The following DLEC1 variants were observed in gnomAD, a reference collection of about 807,000 sequenced individuals.
DLEC1 encodes the protein deleted in lung and esophageal cancer protein 1.
In DLEC1, 146 loss-of-function variants were observed where a neutral mutation model predicts 198.1. The ratio of observed to expected loss-of-function variants is 0.74; its 90% CI spans 0.64 to 0.85. The LOEUF is 0.85. Ranked by LOEUF, DLEC1 falls within the 40% of genes least tolerant of loss-of-function variation. The pLI is 0.00. For missense variants in DLEC1, 2,233 were observed against 2,220.0 expected, an observed-to-expected ratio of 1.01 and a Z score of -0.12; for synonymous variants, 897 against 866.8, an observed-to-expected ratio of 1.03 and a Z score of -0.61.
At position 38,081,589 on chromosome 3, in the gene DLEC1, C is replaced by T. The variant is rs1365883560; in HGVS notation, c.1174-2569C>T. ...GCAGGGGGCTGAGCCCCTCACCTCCCGGACGGGGCGGCTGGCCGGGCGGAG... is the reference window on the plus strand; with the variant it reads ...GCAGGGGGCTGAGCCCCTCACCTCCTGGACGGGGCGGCTGGCCGGGCGGAG... On this transcript the variant is annotated intron_variant, in intron 6 of 36. Transcript: ENST00000308059. Among the ~76,000 whole-genome samples, 7 of 106,638 alleles carry T rather than the reference C, an allele frequency of 6.6e-5. 1 individual carries two copies. Among genetic ancestry groups the T allele is most frequent in the Non-Finnish European group, 1.3e-4 (7 of 52,932 alleles). 70.0% of individuals were successfully genotyped at this position (106,638 alleles called of 152,430 possible). A position where few individuals can be genotyped will look rare whatever the true frequency, so the allele number is the denominator to read the frequency against.
intron 6 of DLEC1, among the ~76,000 whole-genome samples, chr3:38,073,989 G>A (rs1697465653): frequency 6.6e-6 from 1 of 152,194 alleles, no homozygotes; most frequent in Non-Finnish European, 1.5e-5. Flanking sequence ...AGCTTTAGGG[G>A]CTCTAGGAGT....
At chr3:38,120,677 A>G (rs1700404309) in intron 34 of DLEC1, 68 bp downstream of exon 34, 2 of 1,591,508 alleles carry the variant, frequency 1.3e-6, no homozygotes, top group African/African-American at 2.7e-5. Context: ...TGCTGGGGCC[A>G]GAGGAGGAAA....
Position 38,120,471 on chromosome 3 carries a change from C to T in DLEC1, c.4728C>T (p.Ser1576=), listed in dbSNP as rs1700390222. ...NMLVNVSFSL[S]LELLSYQKLP... is the part of the protein sequence containing the mutation. ...AGGTGAACGTGTCCTTCTCACTCTC[C>T]CTGGAGCTGCTCTCCTATCAGAAGC... Residue 1576 remains serine, a synonymous_variant, in exon 34 of 37, where the codon TCC becomes TCT. Coordinates refer to ENST00000308059, the MANE Select transcript of DLEC1 (RefSeq NM_007335.4). 3 of 1,614,222 alleles carry T rather than the reference C, an allele frequency of 1.9e-6. No homozygotes were observed. The highest frequency in any genetic ancestry group is 2.5e-6 in the Non-Finnish European group (3 of 1,180,028).
At chr3:38,097,140 A>G (rs1344275870) in intron 15 of DLEC1, 42 bp from the exon 16 acceptor site, 5 of 1,502,962 alleles carry the variant, frequency 3.3e-6, no homozygotes, top group Non-Finnish European at 4.5e-6. Flanking sequence ...AATTGACATG[A>G]AGGGGCAGTA....
At chr3:38,113,787 A>G (rs1311743053) in intron 25 of DLEC1, among the ~76,000 whole-genome samples, 4 of 152,152 alleles carry the variant, frequency 2.6e-5, no homozygotes, top group African/African-American at 7.2e-5. Context: ...GGTCTTCACA[A>G]AAGAAGTGTA....
At chr3:38,089,456 G>A (rs1258998076) in intron 10 of DLEC1, among the ~76,000 whole-genome samples, 1 of 152,240 alleles carries the variant, frequency 6.6e-6, no homozygotes, top group Non-Finnish European at 1.5e-5. Flanking sequence ...GCCCTAGGAT[G>A]TGGCTCTCTT....
chr3:38,078,829 A>G (rs1373716973), intron 6 of DLEC1, among the ~76,000 whole-genome samples: 4 of 152,234 alleles, frequency 2.6e-5, no homozygotes, highest in Non-Finnish European at 4.4e-5. Context: ...GTTTGACACC[A>G]TGGGGTGGAT....
At chr3:38,052,779 C>T (rs1010448880) in intron 2 of DLEC1, among the ~76,000 whole-genome samples, 46 of 152,008 alleles carry the variant, frequency 3.0e-4, no homozygotes, top group African/African-American at 1.1e-3. Context: ...CCTCCCCCTC[C>T]GCCTCCTCCT....
chr3:38,115,003 G>A lies in DLEC1; in HGVS notation c.3806G>A (p.Gly1269Glu), dbSNP rs1446309240. 2 of 1,613,786 alleles carry A rather than the reference G, an allele frequency of 1.2e-6. No homozygotes were observed. Among genetic ancestry groups the A allele is most frequent in the African/African-American group, 2.7e-5 (2 of 74,932 alleles). Residue 1269 changes from glycine to glutamate, a missense_variant, in exon 27 of 37, where the codon GGA becomes GAA. Physicochemically the swap from Gly to Glu is moderately conservative, Grantham distance 98. Transcript: ENST00000308059. ...PAMRFGTQVS[G>E]GDTVTRTLRL... ...TCCAGGTTCGGCACCCAGGTCTCCG[G>A]AGGAGACACAGTTACCCGAACCCTT...
intron 12 of DLEC1, among the ~76,000 whole-genome samples, chr3:38,094,380 A>G (rs1698900603): frequency 1.3e-5 from 2 of 151,912 alleles, no homozygotes; most frequent in South Asian, 4.2e-4. Context: ...CTCCTATGCT[A>G]TGGAGTTGCC....
At chr3:38,076,751 T>C (rs1291698620) in intron 6 of DLEC1, among the ~76,000 whole-genome samples, 3 of 152,212 alleles carry the variant, frequency 2.0e-5, no homozygotes, top group Admixed American at 6.5e-5. Flanking sequence ...TCCTGCCTTC[T>C]TATATTAATA....
intron 6 of DLEC1, among the ~76,000 whole-genome samples, chr3:38,081,545 G>A (rs1276348435): frequency 9.9e-6 from 1 of 101,370 alleles, no homozygotes; most frequent in Non-Finnish European, 2.0e-5. Context: ...CTCACCTCCC[G>A]GATGGGGCGG....
intron 26 of DLEC1, 25 bp downstream of exon 26, chr3:38,114,485 C>G (rs1700048663): frequency 6.2e-7 from 1 of 1,607,026 alleles, no homozygotes. Flanking sequence ...GCCTGAGCCT[C>G]TGCTCCCTGG....
chr3:38,045,351 G>C (rs1700834068), intron 1 of DLEC1, among the ~76,000 whole-genome samples, 192 bp from the exon 2 acceptor site: 1 of 152,092 alleles, frequency 6.6e-6, no homozygotes. Flanking sequence ...GCCTTACTAT[G>C]GAAACCTTTA....
At position 38,122,195 on chromosome 3, in the gene DLEC1, G is replaced by A. The variant is rs761425963; in HGVS notation, c.5144+1G>A. 2.5e-6 allele frequency: 4 copies of A among 1,613,560 alleles called. No homozygotes were observed. Among genetic ancestry groups the A allele is most frequent in the East Asian group, 2.2e-5 (1 of 44,880 alleles). On this transcript the variant is annotated splice_donor_variant, in intron 36 of 36. Transcript: ENST00000308059. LOFTEE classifies it high-confidence loss of function. ...CCTTGCAGGTTTTCTTCACTGCCAG[G>A]TGCAGCCCCTTCCAACCTTCCCCAA...
At chr3:38,063,594 T>C (rs1170681147) in intron 5 of DLEC1, among the ~76,000 whole-genome samples, 2 of 152,030 alleles carry the variant, frequency 1.3e-5, no homozygotes, top group African/African-American at 2.4e-5. Context: ...ACATGTAGAG[T>C]TTTTCCTATG....
At chr3:38,064,550 C>T (rs1026233144) in intron 6 of DLEC1, among the ~76,000 whole-genome samples, 81 of 151,938 alleles carry the variant, frequency 5.3e-4, no homozygotes, top group African/African-American at 1.8e-3. Flanking sequence ...GGGTGGCGGC[C>T]GGGCAGAGGG....
chr3:38,072,788 A>C (rs184347889), intron 6 of DLEC1, among the ~76,000 whole-genome samples: 2 of 152,192 alleles, frequency 1.3e-5, no homozygotes, highest in African/African-American at 4.8e-5. Flanking sequence ...GTGTGTTTTT[A>C]TGAAGAATTA....
At chr3:38,093,044 C>T (rs781149442) in intron 11 of DLEC1, among the ~76,000 whole-genome samples, 164 bp downstream of exon 11, 14 of 152,172 alleles carry the variant, frequency 9.2e-5, no homozygotes, top group Non-Finnish European at 1.6e-4. Context: ...CGTTTCAGGC[C>T]CATTGCTCTG....
Sources: gnomAD v4.1 joint callset for allele counts (sites outside exome capture counted in the v4.1 genomes callset) on GRCh38, gnomAD v4.1.1 for gene constraint, MANE v1.5 for transcripts, NCBI Gene and HGNC (gene_info 2026-07-23, HGNC 2026-07-21) for gene names.